Variants in ST6GALNAC3 observed in about 807,000 individuals in gnomAD.
The protein encoded by ST6GALNAC3 is alpha-N-acetylgalactosaminide alpha-2,6-sialyltransferase 3.
A neutral mutation model predicts 32.7 loss-of-function variants in ST6GALNAC3; 25 were observed. That is an observed-to-expected ratio of 0.76 (90% CI 0.56 to 1.07). The LOEUF is 1.07. ST6GALNAC3 is among the 50% of genes least tolerant of loss of function. The pLI is 0.00. For synonymous variants in ST6GALNAC3, 129 were observed against 133.1 expected (o/e 0.97, Z 0.21); for missense variants, 355 against 382.4 (o/e 0.93, Z 0.60).
intron 2 of ST6GALNAC3, among the ~76,000 whole-genome samples, chr1:76,409,853 T>G (rs1654096292): frequency 6.6e-6 from 1 of 152,184 alleles, no homozygotes. Flanking sequence ...TTTTAGTTTT[T>G]GAGTTTCCCA....
At chr1:76,414,550 A>C (rs1325919815) in intron 3 of ST6GALNAC3, among the ~76,000 whole-genome samples, 1 of 152,110 alleles carries the variant, frequency 6.6e-6, no homozygotes, top group Non-Finnish European at 1.5e-5. Flanking sequence ...ATTCATTGTC[A>C]AATTTCAAAC....
intron 1 of ST6GALNAC3, among the ~76,000 whole-genome samples, chr1:76,152,654 C>T (rs926133734): frequency 2.0e-5 from 3 of 152,134 alleles, no homozygotes; most frequent in Non-Finnish European, 4.4e-5. Flanking sequence ...GAATGAAAGG[C>T]CCCCACAGTT....
At chr1:76,439,971 A>G (rs1656426231) in intron 3 of ST6GALNAC3, among the ~76,000 whole-genome samples, 2 of 152,242 alleles carry the variant, frequency 1.3e-5, no homozygotes, top group Non-Finnish European at 1.5e-5. Context: ...AAATTAGTTT[A>G]TATGTTGTTA....
At chr1:76,358,237 A>G (rs961259034) in intron 2 of ST6GALNAC3, among the ~76,000 whole-genome samples, 1 of 152,128 alleles carries the variant, frequency 6.6e-6, no homozygotes, top group African/African-American at 2.4e-5. Flanking sequence ...TTTAACCTAC[A>G]TGGTGGAGAT....
At chr1:76,496,670 G>T (rs185449744) in intron 3 of ST6GALNAC3, among the ~76,000 whole-genome samples, 1 of 151,528 alleles carries the variant, frequency 6.6e-6, no homozygotes, top group East Asian at 1.9e-4. Flanking sequence ...ATCTCAAAAA[G>T]GTTTGCTTTC....
At chr1:76,186,057 A>G (rs1007691710) in intron 1 of ST6GALNAC3, among the ~76,000 whole-genome samples, 1 of 152,168 alleles carries the variant, frequency 6.6e-6, no homozygotes, top group Non-Finnish European at 1.5e-5. Flanking sequence ...CCTGGTACCA[A>G]TCCTCCACAG....
chr1:76,522,816 A>G (rs1662631894), intron 3 of ST6GALNAC3, among the ~76,000 whole-genome samples: 1 of 152,218 alleles, frequency 6.6e-6, no homozygotes, highest in Non-Finnish European at 1.5e-5. Context: ...GAACAGACTC[A>G]AATGCTGTTG....
At position 76,628,810 on chromosome 1, in the gene ST6GALNAC3, T is replaced by A; in HGVS notation, c.*4T>A. On this transcript the variant is annotated 3_prime_UTR_variant, in exon 5 of 5. Coordinates refer to ENST00000328299, the MANE Select transcript of ST6GALNAC3 (RefSeq NM_152996.4). ...TCCAAACTGGACATTGTCTTGATAA[T>A]GGTTTTCCTGATCTTGCCGCATCAC... 1 of 1,609,990 alleles carries A rather than the reference T, an allele frequency of 6.2e-7. No homozygotes were observed. The highest frequency in any genetic ancestry group is 8.5e-7 in the Non-Finnish European group (1 of 1,178,062).
chr1:76,162,272 T>C (rs560296455), intron 1 of ST6GALNAC3, among the ~76,000 whole-genome samples: 8 of 152,346 alleles, frequency 5.3e-5, no homozygotes, highest in Admixed American at 1.3e-4. Flanking sequence ...CCCTGGCATA[T>C]GGCAGGTACT....
At chr1:76,119,566 TA>T (rs1363160766) in intron 1 of ST6GALNAC3, among the ~76,000 whole-genome samples, 1 of 152,152 alleles carries the variant, frequency 6.6e-6, no homozygotes, top group African/African-American at 2.4e-5. Flanking sequence ...AGAGGAGTAA[TA>T]AAAGGCACCA....
intron 3 of ST6GALNAC3, among the ~76,000 whole-genome samples, chr1:76,424,764 C>T (rs1485292364): frequency 6.6e-6 from 1 of 151,924 alleles, no homozygotes; most frequent in Non-Finnish European, 1.5e-5. Flanking sequence ...TTCACCTATT[C>T]AAGTATTTCT....
Position 76,562,693 on chromosome 1 carries a change from A to G in ST6GALNAC3, c.624-64759A>G, listed in dbSNP as rs375824325. On this transcript the variant is annotated intron_variant, in intron 3 of 4. Coordinates refer to ENST00000328299, the MANE Select transcript of ST6GALNAC3 (RefSeq NM_152996.4). ...CTGCAACATCTACCCATTGTCTTTC[A>G]TTGTGCCTTGTAAAAGTAAATATAT... 1.1e-3 allele frequency among the ~76,000 whole-genome samples: 172 copies of G among 152,334 alleles called. 1 individual carries two copies. In the South Asian group the frequency reaches 0.034, roughly 30 times the overall value.
chr1:76,405,152 G>A (rs1286808258), intron 2 of ST6GALNAC3, among the ~76,000 whole-genome samples: 1 of 151,934 alleles, frequency 6.6e-6, no homozygotes, highest in Admixed American at 6.6e-5. Context: ...TTGAATTTTG[G>A]GTGACCTTTT....
intron 3 of ST6GALNAC3, among the ~76,000 whole-genome samples, chr1:76,597,582 A>G (rs1647158266): frequency 1.3e-5 from 2 of 152,114 alleles, no homozygotes; most frequent in African/African-American, 4.8e-5. Context: ...TTTTCATTCC[A>G]GTATTTAATC....
At chr1:76,484,946 C>T (rs536039279) in intron 3 of ST6GALNAC3, among the ~76,000 whole-genome samples, 22 of 152,172 alleles carry the variant, frequency 1.4e-4, no homozygotes, top group African/African-American at 4.6e-4. Flanking sequence ...TGTTGAATTT[C>T]GTCAAAGGCC....
At chr1:76,218,039 G>A (rs1353590404) in intron 1 of ST6GALNAC3, among the ~76,000 whole-genome samples, 1 of 151,936 alleles carries the variant, frequency 6.6e-6, no homozygotes, top group Non-Finnish European at 1.5e-5. Flanking sequence ...CCCAGGAGTG[G>A]AATTGCTGGA....
intron 3 of ST6GALNAC3, among the ~76,000 whole-genome samples, chr1:76,550,121 G>T (rs1188525287): frequency 6.6e-6 from 1 of 152,060 alleles, no homozygotes; most frequent in African/African-American, 2.4e-5. Context: ...CTGTTGCTAG[G>T]CTTTTCATGT....
At chr1:76,523,387 C>A (rs1662673192) in intron 3 of ST6GALNAC3, among the ~76,000 whole-genome samples, 1 of 152,126 alleles carries the variant, frequency 6.6e-6, no homozygotes, top group Non-Finnish European at 1.5e-5. Flanking sequence ...GGCCCTGTCT[C>A]TTGCCATGCC....
At chr1:76,302,783 AG>A (rs1253103050) in intron 1 of ST6GALNAC3, among the ~76,000 whole-genome samples, 8 of 151,956 alleles carry the variant, frequency 5.3e-5, no homozygotes, top group Non-Finnish European at 7.4e-5. Flanking sequence ...TTACCAGTGG[AG>A]GGTGTCCAGG....
Sources: allele counts gnomAD v4.1 joint callset (sites outside exome capture counted in the v4.1 genomes callset), GRCh38; gene constraint gnomAD v4.1.1; transcripts MANE v1.5; gene names NCBI Gene and HGNC (gene_info 2026-07-23, HGNC 2026-07-21).